Variants in MRPL33 observed in about 807,000 individuals in gnomAD.
MRPL33 encodes mitochondrial ribosomal protein L33, also known as large ribosomal subunit protein bL33m.
A neutral mutation model predicts 10.1 loss-of-function variants in MRPL33; 5 were observed. The ratio of observed to expected loss-of-function variants is 0.49; its 90% confidence interval spans 0.26 to 1.04. The LOEUF is 1.04. Ranked by LOEUF, MRPL33 falls within the 50% of genes least tolerant of loss-of-function variation. MRPL33 has a pLI of 0.14. For missense variants in MRPL33, 79 were observed against 78.1 expected, an observed-to-expected ratio of 1.01 and a Z score of -0.04; for synonymous variants, 24 against 27.7, an observed-to-expected ratio of 0.87 and a Z score of 0.42.
At position 27,779,499 on chromosome 2, in the gene MRPL33, G is replaced by A. The variant is rs935165891; in HGVS notation, c.*17G>A. 6.2e-7 allele frequency: 1 copy of A among 1,613,456 alleles called. No homozygotes were observed. The highest frequency in any genetic ancestry group is 1.3e-5 in the African/African-American group (1 of 75,000). On this transcript the variant is annotated 3_prime_UTR_variant, in exon 4 of 4. Transcript: ENST00000296102. ...TCCCTTTAAACGGTGGATTGAAAAT[G>A]ACTTTGATTTATAAAGAGAAGACTG...
rs1472443512 is a variant in MRPL33 at position 27,771,764 on chromosome 2, C to A, written c.-14C>A. ...CTTTTGGCCGGTGACGGAGACTGCC[C>A]AGGTGTGGTCACCATGTTCCTCTCC... On this transcript the variant is annotated 5_prime_UTR_variant, in exon 1 of 4. Transcript: ENST00000296102. The A allele has an allele frequency of 1.9e-6, 3 of 1,614,038 alleles. No homozygotes were observed. Among genetic ancestry groups the A allele is most frequent in the African/African-American group, 2.7e-5 (2 of 74,946 alleles).
Position 27,779,424 on chromosome 2 carries a change from C to T in MRPL33, c.149-9C>T, listed in dbSNP as rs771670064. On this transcript the variant is annotated splice_polypyrimidine_tract_variant and intron_variant, in intron 3 of 3. Coordinates refer to ENST00000296102, the MANE Select transcript of MRPL33 (RefSeq NM_004891.4). ...TTTTCTGCCACAATTTTTTTTTCTC[C>T]CTCCATAGTGAAACAAAGAGTCCTC... 48 of 1,580,968 alleles carry T rather than the reference C, an allele frequency of 3.0e-5. No individual in the cohort carries two copies. Among genetic ancestry groups the T allele is most frequent in the Middle Eastern group, 1.7e-4 (1 of 5,894 alleles).
intron 3 of MRPL33, among the ~76,000 whole-genome samples, chr2:27,775,540 T>C (rs1412132887): frequency 6.6e-6 from 1 of 151,780 alleles, no homozygotes; most frequent in African/African-American, 2.4e-5. Context: ...TTAGTAGAGA[T>C]AGGGTTTCAC....
chr2:27,776,183 AC>A (rs1178495658), intron 3 of MRPL33, among the ~76,000 whole-genome samples: 1 of 152,270 alleles, frequency 6.6e-6, no homozygotes. Context: ...TAAATTTCAA[AC>A]AGACGCTTAG....
intron 1 of MRPL33, chr2:27,772,256 C>A: frequency 4.2e-6 from 1 of 236,506 alleles, no homozygotes. Flanking sequence ...GCTGACTTCC[C>A]AGTTAGATTT....
chr2:27,772,323 T>C (rs1436457226), intron 1 of MRPL33: 4 of 262,070 alleles, frequency 1.5e-5, no homozygotes, highest in African/African-American at 2.2e-5. Flanking sequence ...GTTAAACTTG[T>C]CAAACAAGAA....
intron 3 of MRPL33, among the ~76,000 whole-genome samples, chr2:27,777,373 T>TC (rs1386291122): frequency 1.1e-4 from 2 of 19,006 alleles, no homozygotes; most frequent in Admixed American, 7.8e-4. Context: ...ATCTAAAACT[T>TC]TTTTTTTTTT....
chr2:27,774,651 T>C (rs1677115527), intron 3 of MRPL33, 121 bp downstream of exon 3: 3 of 719,990 alleles, frequency 4.2e-6, no homozygotes, highest in African/African-American at 1.8e-5. Flanking sequence ...TAAATAGGTA[T>C]TGAATGATTG....
intron 1 of MRPL33, chr2:27,772,456 G>C: frequency 2.1e-6 from 1 of 476,968 alleles, no homozygotes; most frequent in Non-Finnish European, 3.7e-6. Flanking sequence ...ATTAAATCTA[G>C]AATTGTGTTG....
At chr2:27,772,058 G>A (rs1677060362) in intron 1 of MRPL33, 1 of 465,588 alleles carries the variant, frequency 2.1e-6, no homozygotes, top group South Asian at 3.9e-5. Context: ...TCTGGCTGTG[G>A]GGCGTTTTTC....
chr2:27,778,825 A>G (rs1677221911), intron 3 of MRPL33, among the ~76,000 whole-genome samples: 1 of 152,300 alleles, frequency 6.6e-6, no homozygotes, highest in East Asian at 1.9e-4. Flanking sequence ...AAGTGCTGGG[A>G]TTACAGGTGT....
intron 1 of MRPL33, chr2:27,772,209 C>A: frequency 3.9e-6 from 1 of 254,834 alleles, no homozygotes; most frequent in Non-Finnish European, 7.5e-6. Flanking sequence ...TTAAAGAAGT[C>A]CTCGGGCTCC....
chr2:27,771,895 C>G (rs1164236508), intron 1 of MRPL33, 96 bp downstream of exon 1: 1 of 1,298,046 alleles, frequency 7.7e-7, no homozygotes, highest in Admixed American at 1.9e-5. Context: ...GATGTGCGAA[C>G]AGGACGGGAA....
In MRPL33 at chr2:27,774,461, G is replaced by A. The variant is rs758526558; in HGVS notation, c.79G>A (p.Gly27Ser). The A allele has an allele frequency of 2.7e-5, 44 of 1,614,140 alleles. No individual in the cohort carries two copies. In the East Asian group the frequency reaches 9.4e-4, roughly 34 times the overall value. ...GAGAATGGTGAGCGAAGCTGGGACAGGTTTCTGCTTCAACACCAAGAGAAA... is the reference window on the plus strand; with the variant it reads ...GAGAATGGTGAGCGAAGCTGGGACAAGTTTCTGCTTCAACACCAAGAGAAA... ...LVRMVSEAGT[G>S]FCFNTKRNRL... Residue 27 changes from glycine (G) to serine (S), a missense_variant, in exon 3 of 4, where the codon GGT (glycine) becomes AGT (serine). Physicochemically the swap from Gly to Ser is moderately conservative, Grantham distance 56. Coordinates refer to ENST00000296102, the MANE Select transcript of MRPL33 (RefSeq NM_004891.4).
chr2:27,776,685 TA>T (rs1261374150), intron 3 of MRPL33, among the ~76,000 whole-genome samples: 1 of 152,268 alleles, frequency 6.6e-6, no homozygotes, highest in East Asian at 1.9e-4. Flanking sequence ...TTGTCAGTTT[TA>T]ATTCCTTGGA....
intron 3 of MRPL33, among the ~76,000 whole-genome samples, chr2:27,776,679 C>T (rs1435904987): frequency 1.3e-5 from 2 of 152,218 alleles, no homozygotes; most frequent in African/African-American, 4.8e-5. Flanking sequence ...GAAAACTTGT[C>T]AGTTTTAATT....
rs1208394863 is a variant in MRPL33 at position 27,771,749 on chromosome 2, G to C, written c.-29G>C. The C allele has an allele frequency of 1.2e-6, 2 of 1,614,104 alleles. No homozygotes were observed. The highest frequency in any genetic ancestry group is 1.7e-6 in the Non-Finnish European group (2 of 1,179,972). ...TTGTTGGTTGGGGGCCTTTTGGCCG[G>C]TGACGGAGACTGCCCAGGTGTGGTC... is the stretch of plus-strand genomic sequence containing the variant. On this transcript the variant is annotated 5_prime_UTR_variant, in exon 1 of 4. Coordinates refer to ENST00000296102, the MANE Select transcript of MRPL33 (RefSeq NM_004891.4).
At chr2:27,774,860 A>C (rs1342908151) in intron 3 of MRPL33, among the ~76,000 whole-genome samples, 1 of 152,120 alleles carries the variant, frequency 6.6e-6, no homozygotes, top group Non-Finnish European at 1.5e-5. Context: ...TGGCTAAATC[A>C]GGGAAGGTCT....
At chr2:27,772,619 G>T in intron 1 of MRPL33, 55 bp from the exon 2 acceptor site, 1 of 1,388,278 alleles carries the variant, frequency 7.2e-7, no homozygotes. Flanking sequence ...GCATAAGAAA[G>T]AGAATACATT....
Sources: gnomAD v4.1 joint callset for allele counts (sites outside exome capture counted in the v4.1 genomes callset) on GRCh38, gnomAD v4.1.1 for gene constraint, MANE v1.5 for transcripts, NCBI Gene and HGNC (gene_info 2026-07-23, HGNC 2026-07-21) for gene names.